TCERG1L: variants seen among roughly 807,000 people sequenced by gnomAD.
TCERG1L encodes the protein transcription elongation regulator 1-like protein.
A neutral mutation model predicts 56.3 loss-of-function variants in TCERG1L; 37 were observed. The observed-to-expected ratio is 0.66, with a 90% confidence interval of 0.51 to 0.87. The LOEUF (loss-of-function observed/expected upper bound fraction) is 0.87. Ranked by LOEUF, TCERG1L falls within the 40% of genes least tolerant of loss-of-function variation. The pLI is 0.00. For missense variants in TCERG1L, 799 were observed against 774.2 expected, an observed-to-expected ratio of 1.03 and a Z score of -0.38; for synonymous variants, 324 against 326.3, an observed-to-expected ratio of 0.99 and a Z score of 0.08.
At chr10:131,097,853 C>G (rs1845265878) in intron 11 of TCERG1L, among the ~76,000 whole-genome samples, 2 of 152,160 alleles carry the variant, frequency 1.3e-5, no homozygotes, top group African/African-American at 4.8e-5. Context: ...TCATTTTACT[C>G]TGGGACCAAC....
At chr10:131,246,533 C>T (rs531635894) in intron 4 of TCERG1L, among the ~76,000 whole-genome samples, 316 of 152,178 alleles carry the variant, frequency 2.1e-3, no homozygotes, top group Non-Finnish European at 3.7e-3. Context: ...GAGGCATTTC[C>T]CAGTTGGAGA....
intron 4 of TCERG1L, among the ~76,000 whole-genome samples, chr10:131,237,916 G>A (rs991813843): frequency 3.9e-5 from 6 of 152,306 alleles, no homozygotes; most frequent in South Asian, 4.2e-4. Context: ...TTGCTTCGGC[G>A]TTTCACTGAT....
At chr10:131,114,161 C>G (rs1034920995) in intron 9 of TCERG1L, among the ~76,000 whole-genome samples, 1 of 142,248 alleles carries the variant, frequency 7.0e-6, no homozygotes, top group Non-Finnish European at 1.6e-5. Context: ...CATCACTCCA[C>G]AAGTACATGA....
At chr10:131,140,225 C>T (rs1845720583) in intron 7 of TCERG1L, among the ~76,000 whole-genome samples, 1 of 152,150 alleles carries the variant, frequency 6.6e-6, no homozygotes. Flanking sequence ...GCTGGACCTG[C>T]TGGTGGACCC....
intron 6 of TCERG1L, chr10:131,162,103 G>A (rs1845984460): frequency 6.6e-6 from 1 of 152,292 alleles, no homozygotes; most frequent in African/African-American, 2.4e-5. Flanking sequence ...GTCTAAAGCA[G>A]GGCAGCCAGA....
At chr10:131,154,581 G>T (rs963661866) in intron 6 of TCERG1L, among the ~76,000 whole-genome samples, 6 of 152,304 alleles carry the variant, frequency 3.9e-5, no homozygotes, top group Non-Finnish European at 8.8e-5. Flanking sequence ...ACCTTTTCTG[G>T]GGTTTTGTAT....
chr10:131,178,365 T>C (rs1238129752), intron 4 of TCERG1L, among the ~76,000 whole-genome samples: 1 of 152,192 alleles, frequency 6.6e-6, no homozygotes, highest in Non-Finnish European at 1.5e-5. Flanking sequence ...ATGTCTCTTG[T>C]TCCTCTCAGC....
At chr10:131,256,235 G>T (rs1846163415) in intron 4 of TCERG1L, among the ~76,000 whole-genome samples, 1 of 152,190 alleles carries the variant, frequency 6.6e-6, no homozygotes, top group African/African-American at 2.4e-5. Context: ...ACCTGCTTCA[G>T]CATCTGCAGA....
rs1023678749 is a variant in TCERG1L, at chr10:131,111,479, C to T, written c.1395+5320G>A. Reference sequence around the variant, plus strand: ...AACAAAATGTATTTATTTACTTTTACTTCCTTGTACCTTAAAATGGCCATA... The same window carrying T: ...AACAAAATGTATTTATTTACTTTTATTTCCTTGTACCTTAAAATGGCCATA... On this transcript the variant is annotated intron_variant, in intron 9 of 11. Transcript: ENST00000368642. Among the ~76,000 whole-genome samples the T allele has an allele frequency of 2.1e-5, 3 of 143,354 alleles. 1 individual carries two copies. The highest frequency in any genetic ancestry group is 4.7e-5 in the Non-Finnish European group (3 of 63,608). The allele number at this position is 143,354 out of a possible 152,430, so 94.0% of individuals were successfully genotyped here. A position where few individuals can be genotyped will look rare whatever the true frequency, so the allele number is the denominator to read the frequency against.
At chr10:131,305,736 T>G (rs1405905337) in intron 3 of TCERG1L, among the ~76,000 whole-genome samples, 1 of 152,072 alleles carries the variant, frequency 6.6e-6, no homozygotes, top group Non-Finnish European at 1.5e-5. Flanking sequence ...TGTTTCTGCT[T>G]CTATGATTAA....
chr10:131,222,581 T>G (rs1845745735), intron 4 of TCERG1L, among the ~76,000 whole-genome samples: 1 of 152,226 alleles, frequency 6.6e-6, no homozygotes, highest in South Asian at 2.1e-4. Flanking sequence ...ACATGGTTTC[T>G]TCAGCAAGGT....
intron 3 of TCERG1L, among the ~76,000 whole-genome samples, chr10:131,279,681 C>T (rs1472410457): frequency 6.6e-6 from 1 of 152,192 alleles, no homozygotes; most frequent in African/African-American, 2.4e-5. Context: ...CACAGGCCAC[C>T]CAGCCGCCCG....
At chr10:131,179,036 C>T (rs1845141948) in intron 4 of TCERG1L, among the ~76,000 whole-genome samples, 1 of 152,238 alleles carries the variant, frequency 6.6e-6, no homozygotes, top group South Asian at 2.1e-4. Context: ...CCTCCAGCCC[C>T]TCTGACAGCA....
intron 3 of TCERG1L, among the ~76,000 whole-genome samples, chr10:131,275,525 G>A (rs74804442): frequency 8.3e-4 from 127 of 152,232 alleles, no homozygotes; most frequent in African/African-American, 3.1e-3. Flanking sequence ...CTACCCAGGA[G>A]AACAGATTGC....
At chr10:131,285,516 GAAAGAAAGAGAGAAAGAA>G (rs1166498600) in intron 3 of TCERG1L, among the ~76,000 whole-genome samples, 6 of 28,740 alleles carry the variant, frequency 2.1e-4, no homozygotes, top group Non-Finnish European at 5.7e-4. Flanking sequence ...AAGAAAGAAA[GAAAGAAAGAGAGAAAGAA>G]AAGAAAAGAA....
At chr10:131,285,492 G>T (rs1846517675) in intron 3 of TCERG1L, among the ~76,000 whole-genome samples, 1 of 17,536 alleles carries the variant, frequency 5.7e-5, no homozygotes, top group Non-Finnish European at 2.0e-4. Flanking sequence ...AAGAAAGAAA[G>T]AAAGAAAGAA....
In TCERG1L at chr10:131,248,996, T is replaced by G. The variant is rs527919248; in HGVS notation, c.856+11263A>C. On this transcript the variant is annotated intron_variant, in intron 4 of 11. Transcript: ENST00000368642. ...GAGGCAGGATGGGATGGAGCTGACC[T>G]GGTGCACAGAGGCGATGCCTCTGAC... Among the ~76,000 whole-genome samples, 255 of 152,302 alleles carry G rather than the reference T, an allele frequency of 1.7e-3. 1 individual carries two copies. Among genetic ancestry groups the G allele is most frequent in the African/African-American group, 5.7e-3 (235 of 41,582 alleles).
chr10:131,240,252 C>T lies in TCERG1L; in HGVS notation c.856+20007G>A, dbSNP rs181064313. ...GAGCAGGCGCTTGGCAGCTGAGCAT[C>T]AGATCCCTAAAGGCAGGGTCCATGC... On this transcript the variant is annotated intron_variant, in intron 4 of 11. Coordinates refer to ENST00000368642, the MANE Select transcript of TCERG1L (RefSeq NM_174937.4). Among the ~76,000 whole-genome samples the T allele has an allele frequency of 5.3e-5, 8 of 152,308 alleles. No individual in the cohort carries two copies. The East Asian group carries it at 1.6e-3, about 30-fold the overall frequency.
intron 8 of TCERG1L, among the ~76,000 whole-genome samples, chr10:131,130,298 C>T (rs1845604779): frequency 6.6e-6 from 1 of 152,154 alleles, no homozygotes; most frequent in South Asian, 2.1e-4. Context: ...GATTCAATTA[C>T]CTCCCACTGG....
Sources: allele counts gnomAD v4.1 joint callset (sites outside exome capture counted in the v4.1 genomes callset), GRCh38; gene constraint gnomAD v4.1.1; transcripts MANE v1.5; gene names NCBI Gene and HGNC (gene_info 2026-07-23, HGNC 2026-07-21).